Variants in RGPD3 observed in about 807,000 individuals in gnomAD.
RGPD3 encodes the protein RANBP2 like and GRIP domain containing 3, also known as ranBP2-like and GRIP domain-containing protein 3.
RGPD3 carries 62 observed loss-of-function variants against 154.5 expected under a neutral mutation model. That is an observed-to-expected ratio of 0.40 (90% CI 0.33 to 0.50). RGPD3 has a LOEUF of 0.50. Ranked by LOEUF, RGPD3 falls within the 20% of genes least tolerant of loss-of-function variation. The probability of loss-of-function intolerance (pLI) is 0.59; values close to 1 mark genes in which losing one functional copy is unlikely to be tolerated. For synonymous variants in RGPD3, 308 were observed against 607.0 expected (o/e 0.51, Z 7.24); for missense variants, 919 against 1,716.8 (o/e 0.54, Z 8.21).
At chr2:106,412,791 T>C (rs1315740500) in intron 22 of RGPD3, 2 of 584,860 alleles carry the variant, frequency 3.4e-6, no homozygotes, top group South Asian at 1.5e-5. Flanking sequence ...CAAAACCACG[T>C]TCAGCTGAAC....
chr2:106,449,940 C>T (rs1432559278), intron 6 of RGPD3, among the ~76,000 whole-genome samples: 1 of 151,106 alleles, frequency 6.6e-6, no homozygotes, highest in Non-Finnish European at 1.5e-5. Context: ...TGGCGTGAAC[C>T]CTGGAGACAC....
At chr2:106,468,579 G>T (rs1432816856), upstream of RGPD3, among the ~76,000 whole-genome samples, 2 of 152,126 alleles carry the variant, frequency 1.3e-5, no homozygotes, top group African/African-American at 4.8e-5. Flanking sequence ...GCTGAGGCGG[G>T]CGGATCACTT....
chr2:106,405,283 T>C (rs995588778), intron 22 of RGPD3, 54 bp from the exon 23 acceptor site: 60 of 1,559,828 alleles, frequency 3.8e-5, no homozygotes, highest in Non-Finnish European at 4.9e-5. Context: ...AATTTCTCAA[T>C]GTAAAATCTA....
intron 22 of RGPD3, among the ~76,000 whole-genome samples, chr2:106,408,945 C>A (rs1676591141): frequency 6.6e-6 from 1 of 151,710 alleles, no homozygotes; most frequent in African/African-American, 2.4e-5. Context: ...CTGGTCTTCT[C>A]AAACTGTTGG....
At position 106,425,147 on chromosome 2, in the gene RGPD3, A is replaced by T; in HGVS notation, c.2820T>A (p.Pro940=). 3.1e-6 allele frequency: 5 copies of T among 1,611,968 alleles called. No individual in the cohort carries two copies. Among genetic ancestry groups the T allele is most frequent in the Non-Finnish European group, 4.2e-6 (5 of 1,179,836 alleles). ...PGNQEKKSEK[P]LENDTGLQAQ... ...CCTGTAAGCCAGTATCATTTTCAAG[A>T]GGCTTTTCACTTTTCTTTTCTTGAT... The change falls in exon 20 of 23, where the codon CCT becomes CCA. Residue 940 remains proline, a synonymous_variant. Coordinates refer to ENST00000409886, the MANE Select transcript of RGPD3 (RefSeq NM_001144013.2).
chr2:106,432,163 T>C (rs1273463918), intron 17 of RGPD3, among the ~76,000 whole-genome samples: 1 of 148,932 alleles, frequency 6.7e-6, no homozygotes, highest in Non-Finnish European at 1.5e-5. Context: ...TTCAAAAATA[T>C]AGTAAAGGGC....
intron 1 of RGPD3, among the ~76,000 whole-genome samples, chr2:106,465,495 C>T (rs1395231834): frequency 6.6e-6 from 1 of 150,528 alleles, no homozygotes; most frequent in Non-Finnish European, 1.5e-5. Flanking sequence ...CTGTCTAGAC[C>T]AGTGGTTTTT....
In RGPD3 at chr2:106,424,531, G is replaced by C; in HGVS notation, c.3436C>G (p.Arg1146Gly). The C allele has an allele frequency of 1.2e-6, 2 of 1,607,298 alleles. No individual in the cohort carries two copies. Among genetic ancestry groups the C allele is most frequent in the Non-Finnish European group, 1.7e-6 (2 of 1,179,048 alleles). Residue 1146 changes from arginine to glycine, a missense_variant, in exon 20 of 23, where the codon CGA becomes GGA. By Grantham distance (125) the Arg-to-Gly change is moderately radical. Coordinates refer to ENST00000409886, the MANE Select transcript of RGPD3 (RefSeq NM_001144013.2). ...DFSDGDAKLE[R>G]LAAKFKTPEL... ...GGTGTTTTAAATTTTGCTGCCAATCGCTCTAGTTTGGCATCACCATCAGAG... is the reference window on the plus strand; with the variant it reads ...GGTGTTTTAAATTTTGCTGCCAATCCCTCTAGTTTGGCATCACCATCAGAG...
intron 22 of RGPD3, among the ~76,000 whole-genome samples, chr2:106,406,646 TATA>T (rs1467602049): frequency 4.0e-5 from 6 of 151,334 alleles, no homozygotes; most frequent in East Asian, 2.0e-4. Context: ...GTTTTGGAGA[TATA>T]ATTCATATAC....
chr2:106,470,935 C>T (rs1186869047), upstream of RGPD3: 40 of 1,560,148 alleles, frequency 2.6e-5, 1 homozygote, highest in Admixed American at 8.7e-5. Context: ...ACCTTTCCCA[C>T]CTTTAAGCAA....
chr2:106,464,549 A>AGCCTGG (rs768038305), intron 1 of RGPD3, among the ~76,000 whole-genome samples: 4 of 150,352 alleles, frequency 2.7e-5, no homozygotes, highest in Non-Finnish European at 4.4e-5. Context: ...AAATTTGATG[A>AGCCTGG]GCAACACAGC....
chr2:106,422,936 C>T, intron 20 of RGPD3, 107 bp downstream of exon 20: 1 of 1,597,160 alleles, frequency 6.3e-7, no homozygotes, highest in Non-Finnish European at 8.5e-7. Flanking sequence ...GGGGTGTTCA[C>T]AAAGCATCGT....
rs1677044379 is a variant in RGPD3, at chr2:106,423,028, C to A, written c.4924+15G>T. ...AAAGAAAAATTGTGCTTAACTTTAA[C>A]AACAAAGTACCTACCCTTTTCTGGT... is the stretch of plus-strand genomic sequence containing the variant. On this transcript the variant is annotated intron_variant, in intron 20 of 22. Transcript: ENST00000409886. 2 of 1,191,782 alleles carry A rather than the reference C, an allele frequency of 1.7e-6. No individual in the cohort carries two copies. The highest frequency in any genetic ancestry group is 2.4e-6 in the Non-Finnish European group (2 of 827,086). 73.8% of individuals were successfully genotyped at this position (1,191,782 alleles called of 1,614,324 possible).
Position 106,447,641 on chromosome 2 carries a change from A to G in RGPD3, c.783-28T>C, listed in dbSNP as rs767452546. ...GTAATATGAAAATATCAAACAGATG[A>G]TACACACTTACTGCACTGTGAATAA... On this transcript the variant is annotated intron_variant, in intron 6 of 22. Transcript: ENST00000409886. 5.4e-3 allele frequency: 548 copies of G among 101,326 alleles called. 10 individuals carry two copies. The highest frequency in any genetic ancestry group is 0.028 in the African/African-American group (498 of 17,828). 6.3% of individuals were successfully genotyped at this position (101,326 alleles called of 1,614,324 possible). A position where few individuals can be genotyped will look rare whatever the true frequency, so the allele number is the denominator to read the frequency against.
rs181432151 is a variant in RGPD3 at position 106,462,731 on chromosome 2, T to C, written c.73-3399A>G. Among the ~76,000 whole-genome samples the C allele has an allele frequency of 9.3e-3, 1,410 of 152,258 alleles. 4 individuals are homozygous for C. The highest frequency in any genetic ancestry group is 0.017 in the Middle Eastern group (5 of 294). On this transcript the variant is annotated intron_variant, in intron 1 of 22. Transcript: ENST00000409886. ...CGGAGTCTCGCTCTGTCACCCATCT[T>C]GCACAGTCAAATGAATCTCCCTCCC...
At chr2:106,468,040 G>A (rs1678691240) in intron 1 of RGPD3, among the ~76,000 whole-genome samples, 177 bp downstream of exon 1, 1 of 144,410 alleles carries the variant, frequency 6.9e-6, no homozygotes, top group South Asian at 2.1e-4. Flanking sequence ...GAGCCATGAC[G>A]CCTGAGCCAT....
chr2:106,438,654 G>A (rs1389360054), intron 9 of RGPD3, among the ~76,000 whole-genome samples: 2 of 152,024 alleles, frequency 1.3e-5, no homozygotes, highest in Non-Finnish European at 2.9e-5. Context: ...GTGGTGGTGG[G>A]CATTTGTAAT....
At chr2:106,437,954 C>T (rs71267142) in intron 9 of RGPD3, among the ~76,000 whole-genome samples, 8,949 of 152,288 alleles carry the variant, frequency 0.059, 366 homozygotes, top group Non-Finnish European at 0.087. Context: ...GTTTCTGAGA[C>T]GAAGTCTCGC....
rs1192962793 is a variant in RGPD3 at position 106,404,205 on chromosome 2, T to C, written c.*1014A>G. ...ATTCAATGCTGAGTGATATAGTCACTGTTGGGATAGGTTTTTATTTGGGAA... is the reference window on the plus strand; with the variant it reads ...ATTCAATGCTGAGTGATATAGTCACCGTTGGGATAGGTTTTTATTTGGGAA... On this transcript the variant is annotated 3_prime_UTR_variant, in exon 23 of 23. Transcript: ENST00000409886. 6.7e-6 allele frequency among the ~76,000 whole-genome samples: 1 copy of C among 150,230 alleles called. No individual in the cohort carries two copies. The highest frequency in any genetic ancestry group is 1.9e-4 in the East Asian group (1 of 5,138).
Sources: gnomAD v4.1 joint callset for allele counts (sites outside exome capture counted in the v4.1 genomes callset) on GRCh38, gnomAD v4.1.1 for gene constraint, MANE v1.5 for transcripts, NCBI Gene and HGNC (gene_info 2026-07-23, HGNC 2026-07-21) for gene names.